The following FAM210A variants were observed in gnomAD, a reference collection of about 807,000 sequenced individuals.
The protein encoded by FAM210A is mitochondrial inner membrane scaffold 1, also known as family with sequence similarity 210 member A.
Under a neutral mutation model 25.3 loss-of-function variants are expected in FAM210A, and 13 were observed. The ratio of observed to expected loss-of-function variants is 0.51; its 90% confidence interval spans 0.33 to 0.82. The LOEUF is 0.82. Ranked by LOEUF, FAM210A falls within the 40% of genes least tolerant of loss-of-function variation. The pLI, the probability that FAM210A is intolerant of heterozygous loss-of-function variation, is 0.02. For synonymous variants in FAM210A, 125 were observed against 118.7 expected (o/e 1.05, Z -0.35); for missense variants, 319 against 323.2 (o/e 0.99, Z 0.10).
intron 1 of FAM210A, among the ~76,000 whole-genome samples, chr18:13,719,360 A>G (rs2043882932): frequency 6.6e-6 from 1 of 152,230 alleles, no homozygotes; most frequent in South Asian, 2.1e-4. Flanking sequence ...GAAGTTACAA[A>G]GGCAATGTAG....
chr18:13,689,630 T>A (rs1157890196), intron 1 of FAM210A, among the ~76,000 whole-genome samples: 1 of 152,184 alleles, frequency 6.6e-6, no homozygotes, highest in African/African-American at 2.4e-5. Context: ...GCCACCGTGA[T>A]TCAACATCAT....
intron 1 of FAM210A, among the ~76,000 whole-genome samples, chr18:13,704,462 G>T (rs577354080): frequency 6.6e-6 from 1 of 152,132 alleles, no homozygotes; most frequent in Non-Finnish European, 1.5e-5. Flanking sequence ...ATTGCAAAGG[G>T]TTATATAAGG....
intron 1 of FAM210A, among the ~76,000 whole-genome samples, chr18:13,689,275 G>A (rs911077795): frequency 5.9e-5 from 9 of 152,084 alleles, no homozygotes; most frequent in South Asian, 2.1e-4. Context: ...TTCTGGGCAC[G>A]CCTTCGAGAT....
chr18:13,678,448 CCTGGCTAATTTTTG>C (rs911203290), intron 2 of FAM210A, among the ~76,000 whole-genome samples: 3 of 151,874 alleles, frequency 2.0e-5, no homozygotes, highest in Non-Finnish European at 4.4e-5. Flanking sequence ...CACCACCATG[CCTGGCTAATTTTTG>C]TATTTTTAGT....
At chr18:13,709,320 T>C (rs2043804481) in intron 1 of FAM210A, among the ~76,000 whole-genome samples, 1 of 152,214 alleles carries the variant, frequency 6.6e-6, no homozygotes, top group Non-Finnish European at 1.5e-5. Flanking sequence ...GGCATCTCTC[T>C]CAGTGTTCTT....
intron 1 of FAM210A, among the ~76,000 whole-genome samples, chr18:13,695,990 A>C (rs2043689900): frequency 6.6e-6 from 1 of 152,210 alleles, no homozygotes; most frequent in Non-Finnish European, 1.5e-5. Context: ...AATACCATTT[A>C]TATAATAATA....
At chr18:13,697,006 AG>A (rs1442186373) in intron 1 of FAM210A, among the ~76,000 whole-genome samples, 3 of 152,198 alleles carry the variant, frequency 2.0e-5, no homozygotes, top group African/African-American at 7.2e-5. Flanking sequence ...TTCCCCATTT[AG>A]GTATGTTTAG....
intron 1 of FAM210A, among the ~76,000 whole-genome samples, chr18:13,717,311 C>A (rs746985377): frequency 1.4e-4 from 21 of 152,110 alleles, no homozygotes; most frequent in Non-Finnish European, 3.1e-4. Context: ...AGTCTAAGTT[C>A]TTTGTTTGTT....
At chr18:13,716,835 C>T (rs1300915468) in intron 1 of FAM210A, among the ~76,000 whole-genome samples, 1 of 152,300 alleles carries the variant, frequency 6.6e-6, no homozygotes, top group East Asian at 1.9e-4. Context: ...TCCAGCCATG[C>T]TGAACTGTGA....
At chr18:13,680,958 C>T (rs1380274028) in intron 2 of FAM210A, among the ~76,000 whole-genome samples, 1 of 152,202 alleles carries the variant, frequency 6.6e-6, no homozygotes, top group Non-Finnish European at 1.5e-5. Flanking sequence ...AGATTAATTT[C>T]TGATCAGAAC....
chr18:13,704,663 T>G (rs1010682357), intron 1 of FAM210A, among the ~76,000 whole-genome samples: 2 of 152,178 alleles, frequency 1.3e-5, no homozygotes, highest in African/African-American at 4.8e-5. Flanking sequence ...TTATTTGACA[T>G]GTTAAGTTAC....
intron 1 of FAM210A, among the ~76,000 whole-genome samples, chr18:13,708,340 T>C (rs575503951): frequency 6.6e-6 from 1 of 152,368 alleles, no homozygotes; most frequent in East Asian, 1.9e-4. Context: ...GGCACCTCCA[T>C]GTGCTTAGCA....
chr18:13,681,652 T>C lies in FAM210A; in HGVS notation c.426A>G (p.Leu142=), dbSNP rs2149056676. 2.5e-6 allele frequency: 4 copies of C among 1,612,780 alleles called. No homozygotes were observed. Among genetic ancestry groups the C allele is most frequent in the Non-Finnish European group, 3.4e-6 (4 of 1,179,668 alleles). Residue 142 remains leucine, a synonymous_variant, in exon 2 of 4, where the codon CTA becomes CTG. Transcript: ENST00000651643. ...QYGKVLIPVH[L]ITSGVWFGTF... Reference sequence around the variant, plus strand: ...TTCCAAACCAAACACCAGAAGTTATTAGATGCACTGGAATCAGAACTTTTC... The same window carrying C: ...TTCCAAACCAAACACCAGAAGTTATCAGATGCACTGGAATCAGAACTTTTC...
At chr18:13,713,591 C>T (rs1568488995) in intron 1 of FAM210A, among the ~76,000 whole-genome samples, 1 of 152,220 alleles carries the variant, frequency 6.6e-6, no homozygotes, top group East Asian at 1.9e-4. Context: ...CACAGACCAT[C>T]AAACGATGTC....
chr18:13,715,290 T>G (rs1303047553), intron 1 of FAM210A: 1 of 152,176 alleles, frequency 6.6e-6, no homozygotes, highest in Admixed American at 6.5e-5. Context: ...TGCAGACGCC[T>G]GATCAGCACT....
At position 13,666,617 on chromosome 18, in the gene FAM210A, C is replaced by A; in HGVS notation, c.682G>T (p.Val228Phe). 6.2e-7 allele frequency: 1 copy of A among 1,614,174 alleles called. No homozygotes were observed. The highest frequency in any genetic ancestry group is 1.1e-5 in the South Asian group (1 of 91,082). The part of the protein sequence containing the change: ...SHGYMSTPPP[V>F]KEYLQDRMEE... ...ATCCTGTCCTGCAGATACTCCTTGA[C>A]GGGTGGCGGCGTGGACATGTAGCCA... Residue 228 changes from valine (V) to phenylalanine (F), a missense_variant, in exon 4 of 4, where the codon GTC becomes TTC. Transcript: ENST00000651643.
chr18:13,674,889 C>A lies in FAM210A; in HGVS notation c.474-2916G>T, dbSNP rs1340861478. Among the ~76,000 whole-genome samples, 70 of 151,436 alleles carry A rather than the reference C, an allele frequency of 4.6e-4. 1 individual carries two copies. The highest frequency in any genetic ancestry group is 7.5e-4 in the Non-Finnish European group (51 of 67,714). On this transcript the variant is annotated intron_variant, in intron 2 of 3. Coordinates refer to ENST00000651643, the MANE Select transcript of FAM210A (RefSeq NM_152352.4). ...TTTCCTGATTATTAACATTCCTGAGCCCCGACTTCTTTATTTCCAGTTTCC... is the reference window on the plus strand; with the variant it reads ...TTTCCTGATTATTAACATTCCTGAGACCCGACTTCTTTATTTCCAGTTTCC...
intron 2 of FAM210A, among the ~76,000 whole-genome samples, chr18:13,676,838 G>A (rs976427388): frequency 6.6e-6 from 1 of 152,144 alleles, no homozygotes; most frequent in African/African-American, 2.4e-5. Flanking sequence ...GGAGATTCAC[G>A]TTAAGTACTT....
chr18:13,684,393 G>A (rs573324278), intron 1 of FAM210A, among the ~76,000 whole-genome samples: 2 of 151,360 alleles, frequency 1.3e-5, no homozygotes, highest in East Asian at 1.9e-4. Context: ...AGTGAGACTC[G>A]TCTCAAAAAA....
Sources: allele counts gnomAD v4.1 joint callset (sites outside exome capture counted in the v4.1 genomes callset), GRCh38; gene constraint gnomAD v4.1.1; transcripts MANE v1.5; gene names NCBI Gene and HGNC (gene_info 2026-07-23, HGNC 2026-07-21).